The following ZNF487 variants were observed in gnomAD, a reference collection of about 807,000 sequenced individuals.
ZNF487 encodes the protein KRAB domain only 1.
Under a neutral mutation model 3.0 loss-of-function variants are expected in ZNF487, and 4 were observed. The observed-to-expected ratio is 1.35, with a 90% CI of 0.66 to 3.08. ZNF487 has a LOEUF of 3.08. Among genes scored for constraint, ZNF487 ranks in the 30% most tolerant of loss-of-function variants. The probability of loss-of-function intolerance (pLI) is 0.01; values close to 1 mark genes in which losing one functional copy is unlikely to be tolerated. For missense variants in ZNF487, 146 were observed against 98.7 expected (o/e 1.48, Z -2.03); for synonymous variants, 55 against 34.6 (o/e 1.59, Z -2.06).
intron 1 of ZNF487, among the ~76,000 whole-genome samples, chr10:43,450,888 A>G (rs908704795): frequency 6.6e-6 from 1 of 152,184 alleles, no homozygotes; most frequent in African/African-American, 2.4e-5. Flanking sequence ...TGATCCTACT[A>G]GTAATACATT....
the ZNF487 span, among the ~76,000 whole-genome samples, chr10:43,493,709 A>AAAAAAAAAAAAAAT: frequency 6.9e-5 from 3 of 43,700 alleles, no homozygotes; most frequent in African/African-American, 2.6e-4. Context: ...AAAAAAAAAA[A>AAAAAAAAAAAAAAT]ATATATATAT....
chr10:43,502,390 G>A, the ZNF487 span, among the ~76,000 whole-genome samples: 3 of 152,124 alleles, frequency 2.0e-5, no homozygotes, highest in Non-Finnish European at 2.9e-5. Flanking sequence ...CGTGGGGTGG[G>A]GGGGGATAGC....
intron 1 of ZNF487, 82 bp from the exon 2 acceptor site, chr10:43,475,639 A>G (rs1588741190): frequency 4.1e-6 from 3 of 729,636 alleles, no homozygotes; most frequent in African/African-American, 1.7e-5. Flanking sequence ...AACAGTGAAC[A>G]TGACAAGGTG....
intron 3 of ZNF487, among the ~76,000 whole-genome samples, chr10:43,477,083 G>C (rs188383693): frequency 3.7e-4 from 56 of 151,972 alleles, no homozygotes; most frequent in African/African-American, 1.4e-3. Context: ...ATGATGCCCA[G>C]TTGGATATAA....
At chr10:43,495,729 C>T in the ZNF487 span, among the ~76,000 whole-genome samples, 41 of 152,200 alleles carry the variant, frequency 2.7e-4, no homozygotes, top group East Asian at 6.9e-3. Flanking sequence ...CCTTTGAGAG[C>T]AGTGTTTTAA....
At chr10:43,498,073 TTTTATATA>T in the ZNF487 span, among the ~76,000 whole-genome samples, 8 of 32,382 alleles carry the variant, frequency 2.5e-4, no homozygotes, top group East Asian at 1.4e-3. Flanking sequence ...GTATTTGGTA[TTTTATATA>T]TATATATATA....
At chr10:43,446,376 C>T (rs965523459) in intron 1 of ZNF487, among the ~76,000 whole-genome samples, 18 of 150,618 alleles carry the variant, frequency 1.2e-4, no homozygotes, top group Middle Eastern at 6.9e-3. Flanking sequence ...GGCTGCCAGG[C>T]GGAGAGGCTC....
intron 1 of ZNF487, among the ~76,000 whole-genome samples, chr10:43,468,373 G>A (rs1237334714): frequency 2.0e-5 from 3 of 152,082 alleles, no homozygotes; most frequent in South Asian, 4.1e-4. Context: ...ATGCTACAGA[G>A]AAATCTTTCG....
downstream of ZNF487, among the ~76,000 whole-genome samples, chr10:43,484,302 T>C (rs1255756384): frequency 6.6e-6 from 1 of 152,092 alleles, no homozygotes; most frequent in Non-Finnish European, 1.5e-5. Context: ...CACTCCTTTG[T>C]TACTGATCAA....
At chr10:43,457,530 G>A (rs1274026588) in intron 1 of ZNF487, among the ~76,000 whole-genome samples, 1 of 149,658 alleles carries the variant, frequency 6.7e-6, no homozygotes, top group African/African-American at 2.5e-5. Context: ...ACTCCAGCCT[G>A]GGCGACAAAG....
chr10:43,470,208 C>T (rs1840856081), intron 1 of ZNF487, among the ~76,000 whole-genome samples: 1 of 151,956 alleles, frequency 6.6e-6, no homozygotes, highest in African/African-American at 2.4e-5. Context: ...TTAACTTTCC[C>T]TTTTAATTTT....
At chr10:43,473,901 T>C (rs1271137060) in intron 1 of ZNF487, among the ~76,000 whole-genome samples, 1 of 152,048 alleles carries the variant, frequency 6.6e-6, no homozygotes, top group Non-Finnish European at 1.5e-5. Context: ...GACTTATTCC[T>C]GTAATTGCAG....
the ZNF487 span, among the ~76,000 whole-genome samples, chr10:43,498,099 A>T: frequency 0.051 from 1,030 of 20,184 alleles, 76 homozygotes; most frequent in Middle Eastern, 0.15. Flanking sequence ...ATATATATAT[A>T]TTTTTTTTTT....
At chr10:43,490,921 G>A in the ZNF487 span, among the ~76,000 whole-genome samples, 3 of 150,270 alleles carry the variant, frequency 2.0e-5, no homozygotes, top group Admixed American at 6.6e-5. Context: ...TGATTTCCCC[G>A]CCTCAGACTC....
At chr10:43,494,765 CAA>C in the ZNF487 span, among the ~76,000 whole-genome samples, 2 of 35,788 alleles carry the variant, frequency 5.6e-5, no homozygotes, top group East Asian at 1.1e-3. Flanking sequence ...ACTAAAAATA[CAA>C]AAAAAAAAAA....
downstream of ZNF487, among the ~76,000 whole-genome samples, chr10:43,485,282 A>G (rs1303342346): frequency 1.3e-5 from 2 of 152,246 alleles, no homozygotes; most frequent in African/African-American, 4.8e-5. Context: ...ACAATAGCAG[A>G]CTGATAGCAT....
chr10:43,490,409 C>T, the ZNF487 span, among the ~76,000 whole-genome samples: 2 of 150,586 alleles, frequency 1.3e-5, no homozygotes, highest in Non-Finnish European at 2.9e-5. Context: ...GATTTTCTCC[C>T]ATTTCTTCTT....
At position 43,444,205 on chromosome 10, in the gene ZNF487, C is replaced by T. The variant is rs556346334; in HGVS notation, c.-94+6943C>T. ...CTCTCCTTGTCCTTTGGCTAGAAAGCGACAGATTTTCTTAGGCTTTTAAAA... is the reference window on the plus strand; with the variant it reads ...CTCTCCTTGTCCTTTGGCTAGAAAGTGACAGATTTTCTTAGGCTTTTAAAA... On this transcript the variant is annotated intron_variant, in intron 1 of 3. Transcript: ENST00000437590. 1.2e-3 allele frequency among the ~76,000 whole-genome samples: 185 copies of T among 152,194 alleles called. 1 individual carries two copies. The highest frequency in any genetic ancestry group is 2.9e-4 in the Non-Finnish European group (20 of 68,022).
intron 1 of ZNF487, among the ~76,000 whole-genome samples, chr10:43,440,757 ACT>A (rs925494174): frequency 2.0e-4 from 30 of 151,710 alleles, no homozygotes; most frequent in Admixed American, 1.2e-3. Flanking sequence ...TAGGGTAACC[ACT>A]GTCTTCAACT....
Sources: allele counts gnomAD v4.1 joint callset (sites outside exome capture counted in the v4.1 genomes callset), GRCh38; gene constraint gnomAD v4.1.1; transcripts MANE v1.5; gene names NCBI Gene and HGNC (gene_info 2026-07-23, HGNC 2026-07-21).